Variants in CDH3 observed in about 807,000 individuals in gnomAD.
CDH3 encodes the protein cadherin 3, also known as cadherin-3.
A neutral mutation model predicts 82.0 loss-of-function variants in CDH3; 54 were observed. That is an observed-to-expected ratio of 0.66 (90% CI 0.53 to 0.83). The LOEUF (loss-of-function observed/expected upper bound fraction) is 0.83, where lower values mean the gene tolerates loss of function less well. Among genes scored for constraint, CDH3 ranks in the 40% least tolerant of loss-of-function variants. The probability of loss-of-function intolerance (pLI) is 0.00; values close to 1 mark genes in which losing one functional copy is unlikely to be tolerated. For missense variants in CDH3, 1,054 were observed against 1,084.6 expected (o/e 0.97, Z 0.40); for synonymous variants, 446 against 437.9 (o/e 1.02, Z -0.23).
downstream of CDH3, among the ~76,000 whole-genome samples, chr16:68,704,148 G>C (rs1193142759): frequency 6.7e-6 from 1 of 149,784 alleles, no homozygotes; most frequent in South Asian, 2.1e-4. Context: ...TTAGCCGGGC[G>C]TGGTGGCGGG....
chr16:68,688,622 G>GTTT (rs1422131635), intron 12 of CDH3, among the ~76,000 whole-genome samples: 30 of 22,990 alleles, frequency 1.3e-3, no homozygotes, highest in African/African-American at 6.2e-3. Context: ...AGGGTTTTTT[G>GTTT]TTTTTGTTTT....
At chr16:68,706,797 G>T (rs752446816) in intron 1 of CDH3, among the ~76,000 whole-genome samples, 3 of 151,826 alleles carry the variant, frequency 2.0e-5, no homozygotes, top group Admixed American at 6.6e-5. Context: ...CAAATGATCC[G>T]CCTGCCTCAG....
At chr16:68,672,830 C>G (rs1407527184) in intron 2 of CDH3, among the ~76,000 whole-genome samples, 2 of 152,194 alleles carry the variant, frequency 1.3e-5, no homozygotes, top group Non-Finnish European at 2.9e-5. Flanking sequence ...TCTGTCCTCT[C>G]CCATTCACTG....
intron 12 of CDH3, among the ~76,000 whole-genome samples, chr16:68,691,101 G>T (rs574351782): frequency 1.5e-4 from 22 of 150,412 alleles, no homozygotes; most frequent in African/African-American, 5.1e-4. Context: ...CACCTCCCAG[G>T]TTCAAGTGAT....
At chr16:68,649,260 A>C (rs746931685) in intron 2 of CDH3, among the ~76,000 whole-genome samples, 5 of 152,212 alleles carry the variant, frequency 3.3e-5, no homozygotes, top group Non-Finnish European at 7.3e-5. Flanking sequence ...CCTTTGGGTC[A>C]GATTAAAAAC....
downstream of CDH3, among the ~76,000 whole-genome samples, chr16:68,728,377 G>A (rs1962248832): frequency 6.6e-6 from 1 of 151,954 alleles, no homozygotes; most frequent in Admixed American, 6.6e-5. Flanking sequence ...GTGTTAGCCA[G>A]GATGGTCTCG....
chr16:68,691,900 T>C lies in CDH3; in HGVS notation c.1976T>C (p.Val659Ala). The C allele has an allele frequency of 1.2e-6, 2 of 1,613,626 alleles. No individual in the cohort carries two copies. Among genetic ancestry groups the C allele is most frequent in the Middle Eastern group, 3.5e-4 (2 of 5,710 alleles). Residue 659 changes from valine to alanine, a missense_variant, in exon 13 of 16, where the codon GTG (valine) becomes GCG (alanine). By Grantham distance (64) the Val-to-Ala change is moderately conservative. Coordinates refer to ENST00000264012, the MANE Select transcript of CDH3 (RefSeq NM_001793.6). ...GPWKGGFILPVLGAVLALLFL... is the reference protein window; with the variant it reads ...GPWKGGFILPALGAVLALLFL... ...TGGAAGGGAGGTTTCATCCTCCCTG[T>C]GCTGGGGGCTGTCCTGGCTCTGCTG...
intron 1 of CDH3, among the ~76,000 whole-genome samples, chr16:68,711,065 C>T (rs1962023723): frequency 1.3e-5 from 2 of 150,874 alleles, no homozygotes; most frequent in African/African-American, 4.9e-5. Context: ...AATCCCAGCA[C>T]TTTGGGAGGC....
At chr16:68,683,023 G>C (rs1961274509) in intron 9 of CDH3, among the ~76,000 whole-genome samples, 1 of 152,074 alleles carries the variant, frequency 6.6e-6, no homozygotes, top group Admixed American at 6.6e-5. Flanking sequence ...TGAGGTGGGA[G>C]GATCACTTGA....
At chr16:68,675,928 G>A (rs1291770036) in intron 2 of CDH3, among the ~76,000 whole-genome samples, 1 of 152,194 alleles carries the variant, frequency 6.6e-6, no homozygotes, top group Non-Finnish European at 1.5e-5. Flanking sequence ...GAGTAGCCAA[G>A]CATTGGGGAT....
intron 1 of CDH3, among the ~76,000 whole-genome samples, chr16:68,720,046 A>T (rs889984129): frequency 4.6e-5 from 7 of 151,938 alleles, no homozygotes; most frequent in Non-Finnish European, 1.0e-4. Context: ...GGTCCCAGCT[A>T]CTTGGGAGGC....
chr16:68,688,939 G>A (rs1057304217), intron 12 of CDH3, among the ~76,000 whole-genome samples: 5 of 152,120 alleles, frequency 3.3e-5, no homozygotes, highest in African/African-American at 9.7e-5. Context: ...TTTAATCTAG[G>A]CAGTCTCACT....
chr16:68,714,795 T>C (rs773961342), intron 1 of CDH3, among the ~76,000 whole-genome samples: 4 of 152,124 alleles, frequency 2.6e-5, no homozygotes, highest in African/African-American at 7.2e-5. Context: ...GGCAGGAGGA[T>C]TGCTTGAAGC....
intron 7 of CDH3, 145 bp from the exon 8 acceptor site, chr16:68,680,823 T>A: frequency 1.2e-6 from 1 of 840,930 alleles, no homozygotes; most frequent in Admixed American, 1.9e-5. Context: ...TGGCAGTGGG[T>A]GAGGGGTGGT....
intron 1 of CDH3, among the ~76,000 whole-genome samples, chr16:68,712,296 T>TA (rs35954578): frequency 0.25 from 38,414 of 151,846 alleles, 4,972 homozygotes; most frequent in Admixed American, 0.29. Flanking sequence ...CTTGACCTCC[T>TA]AAATCCTGGG....
chr16:68,651,287 G>A (rs1597789202), intron 2 of CDH3: 1 of 547,440 alleles, frequency 1.8e-6, no homozygotes, highest in East Asian at 5.0e-5. Context: ...TGGGTCCAGG[G>A]AGCCGTCATG....
At chr16:68,651,280 G>A in intron 2 of CDH3, 1 of 545,628 alleles carries the variant, frequency 1.8e-6, no homozygotes, top group South Asian at 1.4e-5. Context: ...GTGCAGCTGG[G>A]TCCAGGGAGC....
At chr16:68,659,579 CA>C (rs548955678) in intron 2 of CDH3, among the ~76,000 whole-genome samples, 29,752 of 125,622 alleles carry the variant, frequency 0.24, 3,036 homozygotes, top group African/African-American at 0.28. Context: ...GATGCTGTCT[CA>C]AAAAAAAAAA....
At chr16:68,714,770 G>A (rs745373242) in intron 1 of CDH3, among the ~76,000 whole-genome samples, 10 of 152,122 alleles carry the variant, frequency 6.6e-5, no homozygotes, top group African/African-American at 1.9e-4. Flanking sequence ...TAATCCCAGC[G>A]CTTTGGGAAG....
Sources: gnomAD v4.1 joint callset for allele counts (sites outside exome capture counted in the v4.1 genomes callset) on GRCh38, gnomAD v4.1.1 for gene constraint, MANE v1.5 for transcripts, NCBI Gene and HGNC (gene_info 2026-07-23, HGNC 2026-07-21) for gene names.